The following GPC6 variants were observed in gnomAD, a reference collection of about 807,000 sequenced individuals.
The protein encoded by GPC6 is glypican 6.
GPC6 carries 14 observed loss-of-function variants against 55.2 expected under a neutral mutation model. The observed-to-expected ratio is 0.25, with a 90% CI of 0.17 to 0.40. The LOEUF (loss-of-function observed/expected upper bound fraction) is 0.40, where lower values mean the gene tolerates loss of function less well. GPC6 is among the 10% of genes least tolerant of loss of function. The pLI is 1.00. For synonymous variants in GPC6, 278 were observed against 259.6 expected, an observed-to-expected ratio of 1.07 and a Z score of -0.68; for missense variants, 641 against 708.5, an observed-to-expected ratio of 0.90 and a Z score of 1.08.
chr13:93,980,895 C>G (rs921990821), intron 3 of GPC6, among the ~76,000 whole-genome samples: 1 of 152,144 alleles, frequency 6.6e-6, no homozygotes, highest in East Asian at 1.9e-4. Flanking sequence ...TTACAGATTT[C>G]TCCTAAGAGC....
At chr13:93,542,403 A>C (rs1378185705) in intron 1 of GPC6, among the ~76,000 whole-genome samples, 1 of 152,166 alleles carries the variant, frequency 6.6e-6, no homozygotes, top group Non-Finnish European at 1.5e-5. Flanking sequence ...TGGTACCAGT[A>C]CCATGCTGTT....
intron 3 of GPC6, among the ~76,000 whole-genome samples, chr13:93,929,109 T>C (rs747812168): frequency 2.0e-5 from 3 of 152,180 alleles, no homozygotes; most frequent in Admixed American, 6.5e-5. Context: ...ATGTCAGATC[T>C]TCACTGTCTA....
intron 2 of GPC6, among the ~76,000 whole-genome samples, chr13:93,623,919 C>T (rs375769436): frequency 6.6e-5 from 10 of 151,996 alleles, no homozygotes; most frequent in South Asian, 2.1e-4. Context: ...GTCTTTTGCC[C>T]GTTTTTTAAC....
chr13:93,425,670 C>T (rs923530573), intron 1 of GPC6, among the ~76,000 whole-genome samples: 2 of 152,176 alleles, frequency 1.3e-5, no homozygotes, highest in African/African-American at 4.8e-5. Context: ...GAAACCAGCA[C>T]TGCTTGGCTT....
At chr13:93,671,840 C>A (rs3858842) in intron 2 of GPC6, among the ~76,000 whole-genome samples, 122,157 of 151,784 alleles carry the variant, frequency 0.8, 50,721 homozygotes, top group Non-Finnish European at 0.92. Flanking sequence ...AACCATGGAC[C>A]TATGGGAGGG....
chr13:94,175,354 G>C (rs767750002), intron 4 of GPC6, among the ~76,000 whole-genome samples: 1 of 152,140 alleles, frequency 6.6e-6, no homozygotes, highest in Non-Finnish European at 1.5e-5. Context: ...TAGCAGCTCT[G>C]TTCCAACAAA....
chr13:94,135,486 A>C (rs546104389), intron 4 of GPC6, among the ~76,000 whole-genome samples: 1 of 152,154 alleles, frequency 6.6e-6, no homozygotes, highest in Non-Finnish European at 1.5e-5. Flanking sequence ...TCTACTTTCA[A>C]TTTAATTCAG....
At chr13:93,858,749 G>A (rs933997943) in intron 3 of GPC6, among the ~76,000 whole-genome samples, 4 of 151,428 alleles carry the variant, frequency 2.6e-5, no homozygotes, top group Non-Finnish European at 4.4e-5. Context: ...TGGTGGTATC[G>A]ACTAGCAGTT....
chr13:94,389,311 G>C (rs538132319), intron 7 of GPC6, among the ~76,000 whole-genome samples: 2 of 152,306 alleles, frequency 1.3e-5, no homozygotes, highest in East Asian at 3.9e-4. Flanking sequence ...AGTCATCCCT[G>C]AGAAGGGCGT....
intron 3 of GPC6, among the ~76,000 whole-genome samples, chr13:93,950,142 A>T (rs918217547): frequency 6.6e-6 from 1 of 152,214 alleles, no homozygotes; most frequent in African/African-American, 2.4e-5. Flanking sequence ...ACACCTAAGA[A>T]TAGTTCAAAT....
At chr13:93,407,702 T>C (rs897575850) in intron 1 of GPC6, among the ~76,000 whole-genome samples, 3 of 152,194 alleles carry the variant, frequency 2.0e-5, no homozygotes, top group African/African-American at 7.2e-5. Flanking sequence ...CACAGAGTTA[T>C]ATATTATGCC....
At chr13:93,433,000 ACT>A (rs1877425521) in intron 1 of GPC6, among the ~76,000 whole-genome samples, 1 of 151,648 alleles carries the variant, frequency 6.6e-6, no homozygotes, top group Non-Finnish European at 1.5e-5. Context: ...AAAAAGAAAG[ACT>A]CTCAGAGCTT....
chr13:94,046,560 T>G (rs1449587487), intron 4 of GPC6, among the ~76,000 whole-genome samples: 1 of 152,058 alleles, frequency 6.6e-6, no homozygotes, highest in Non-Finnish European at 1.5e-5. Context: ...TAATGGAAAA[T>G]GTAATTTTCA....
chr13:94,137,599 A>G (rs574303082), intron 4 of GPC6, among the ~76,000 whole-genome samples: 290 of 152,308 alleles, frequency 1.9e-3, no homozygotes, highest in Admixed American at 4.6e-3. Context: ...ATAAACATTT[A>G]TTAAGCACCA....
intron 3 of GPC6, among the ~76,000 whole-genome samples, chr13:93,950,898 A>G (rs1304854745): frequency 6.6e-6 from 1 of 152,084 alleles, no homozygotes; most frequent in Admixed American, 6.6e-5. Flanking sequence ...GACTGGGAAG[A>G]GTTACATATC....
chr13:93,784,656 G>A (rs962989866), intron 2 of GPC6, among the ~76,000 whole-genome samples: 2 of 152,178 alleles, frequency 1.3e-5, no homozygotes, highest in Non-Finnish European at 2.9e-5. Flanking sequence ...ACTGTTGGGT[G>A]TCTTTAAAAG....
intron 1 of GPC6, among the ~76,000 whole-genome samples, chr13:93,334,047 G>T (rs889309128): frequency 1.3e-5 from 2 of 152,050 alleles, no homozygotes; most frequent in Non-Finnish European, 2.9e-5. Flanking sequence ...ATTTAATTAT[G>T]ACTTTTTACA....
intron 3 of GPC6, among the ~76,000 whole-genome samples, chr13:93,855,411 T>G (rs950725141): frequency 2.6e-5 from 4 of 151,686 alleles, no homozygotes; most frequent in African/African-American, 9.7e-5. Context: ...GTAACACAAT[T>G]TTATTTATCC....
chr13:94,208,149 G>A (rs36072463), intron 4 of GPC6, among the ~76,000 whole-genome samples: 40,510 of 152,038 alleles, frequency 0.27, 5,807 homozygotes, highest in Non-Finnish European at 0.32. Context: ...ACTGCTTGGT[G>A]CCAGTTAATT....
Sources: gnomAD v4.1 joint callset for allele counts (sites outside exome capture counted in the v4.1 genomes callset) on GRCh38, gnomAD v4.1.1 for gene constraint, MANE v1.5 for transcripts, NCBI Gene and HGNC (gene_info 2026-07-23, HGNC 2026-07-21) for gene names.